Variants in AFAP1 observed in about 807,000 individuals in gnomAD.
The protein encoded by AFAP1 is actin filament-associated protein 1.
A neutral mutation model predicts 93.9 loss-of-function variants in AFAP1; 75 were observed. The ratio of observed to expected loss-of-function variants is 0.80; its 90% CI spans 0.66 to 0.97. The LOEUF is 0.97. AFAP1 is among the 50% of genes least tolerant of loss of function. The pLI, the probability that AFAP1 is intolerant of heterozygous loss-of-function variation, is 0.00. For missense variants in AFAP1, 1,201 were observed against 1,050.8 expected (o/e 1.14, Z -1.98); for synonymous variants, 517 against 430.7 (o/e 1.20, Z -2.48).
intron 16 of AFAP1, among the ~76,000 whole-genome samples, chr4:7,769,828 G>A (rs886921390): frequency 6.6e-6 from 1 of 152,248 alleles, no homozygotes; most frequent in African/African-American, 2.4e-5. Context: ...GGGGTCCCCT[G>A]TGGGCTTTAC....
intron 3 of AFAP1, among the ~76,000 whole-genome samples, chr4:7,858,773 A>C (rs1374566681): frequency 6.6e-6 from 1 of 152,146 alleles, no homozygotes; most frequent in Non-Finnish European, 1.5e-5. Context: ...CCCTCACCTA[A>C]AACAAGGGCA....
chr4:7,855,262 A>C (rs957146254), intron 4 of AFAP1, among the ~76,000 whole-genome samples: 5 of 152,248 alleles, frequency 3.3e-5, no homozygotes, highest in Admixed American at 6.5e-5. Flanking sequence ...GGAAGACAGC[A>C]ATCGGAAGAG....
chr4:7,779,676 A>G (rs114865416), intron 13 of AFAP1, among the ~76,000 whole-genome samples: 3,078 of 152,268 alleles, frequency 0.02, 113 homozygotes, highest in African/African-American at 0.07. Context: ...TGGCTCTATC[A>G]ATCATTTAGG....
At chr4:7,775,386 A>C (rs948452531) in intron 14 of AFAP1, 1 of 153,138 alleles carries the variant, frequency 6.5e-6, no homozygotes, top group Non-Finnish European at 1.5e-5. Context: ...CACACGGCTT[A>C]TAATTAATCT....
At chr4:7,919,970 T>C (rs1720346212) in intron 1 of AFAP1, among the ~76,000 whole-genome samples, 1 of 152,210 alleles carries the variant, frequency 6.6e-6, no homozygotes, top group South Asian at 2.1e-4. Flanking sequence ...GCAAAGGACA[T>C]GATCTTGTTC....
chr4:7,815,382 G>A lies in AFAP1; in HGVS notation c.904+636C>T, dbSNP rs199569343. On this transcript the variant is annotated intron_variant, in intron 8 of 17. Transcript: ENST00000420658. ...CTTAATGCACTGAACTGTACACTGA[G>A]ACATGGTTAATATGGTATATTTTAT... Among the ~76,000 whole-genome samples the A allele has an allele frequency of 3.3e-5, 5 of 152,208 alleles. No individual in the cohort carries two copies. In the East Asian group the frequency reaches 9.6e-4, roughly 29 times the overall value.
In AFAP1 at chr4:7,843,329, C is replaced by CT; in HGVS notation, c.355dup (p.Ser119LysfsTer5). Reference sequence around the variant, plus strand: ...TTCATCATACGACTCATAAGAGCTGCTCATCGCATCGGAATCATAATCTGT... The same window carrying CT: ...TTCATCATACGACTCATAAGAGCTGCTTCATCGCATCGGAATCATAATCTGT... On this transcript the variant is annotated frameshift_variant, in exon 5 of 18. Coordinates refer to ENST00000420658, the MANE Select transcript of AFAP1 (RefSeq NM_001134647.2). LOFTEE classifies it high-confidence loss of function. The CT allele has an allele frequency of 6.2e-7, 1 of 1,613,746 alleles. No individual in the cohort carries two copies. The highest frequency in any genetic ancestry group is 1.3e-5 in the African/African-American group (1 of 74,996).
intron 8 of AFAP1, among the ~76,000 whole-genome samples, chr4:7,812,685 G>A (rs528936929): frequency 2.6e-5 from 4 of 152,276 alleles, no homozygotes; most frequent in South Asian, 4.2e-4. Flanking sequence ...AGGCACTGGC[G>A]CACGCCACTG....
chr4:7,780,628 A>G (rs918274866), intron 13 of AFAP1, among the ~76,000 whole-genome samples: 1 of 151,280 alleles, frequency 6.6e-6, no homozygotes, highest in African/African-American at 2.4e-5. Flanking sequence ...CCTGGGCAAC[A>G]TAGTGAGACT....
intron 8 of AFAP1, among the ~76,000 whole-genome samples, chr4:7,813,565 G>A (rs1720228598): frequency 2.0e-5 from 3 of 152,190 alleles, no homozygotes; most frequent in South Asian, 4.1e-4. Flanking sequence ...CCAAACCAAC[G>A]TCTGCTGTGC....
chr4:7,793,836 T>TG lies in AFAP1; in HGVS notation c.1267-11dup, dbSNP rs757737608. 4 of 1,516,998 alleles carry TG rather than the reference T, an allele frequency of 2.6e-6. No individual in the cohort carries two copies. Among genetic ancestry groups the TG allele is most frequent in the African/African-American group, 1.4e-5 (1 of 72,694 alleles). 94.0% of individuals were successfully genotyped at this position (1,516,998 alleles called of 1,614,324 possible). A position where few individuals can be genotyped will look rare whatever the true frequency, so the allele number is the denominator to read the frequency against. ...CTTCAGAAGAAGATGCCTGTTGAAGTGGGAAAAAAGGTAGGCTGTATTTAA... is the reference window on the plus strand; with the variant it reads ...CTTCAGAAGAAGATGCCTGTTGAAGTGGGGAAAAAAGGTAGGCTGTATTTAA... On this transcript the variant is annotated splice_polypyrimidine_tract_variant and intron_variant, in intron 10 of 17. Transcript: ENST00000420658.
intron 4 of AFAP1, among the ~76,000 whole-genome samples, chr4:7,852,192 G>T (rs1358098509): frequency 6.6e-6 from 1 of 152,134 alleles, no homozygotes; most frequent in African/African-American, 2.4e-5. Flanking sequence ...TTCTCCCACA[G>T]CCCAGATTCA....
Position 7,763,325 on chromosome 4 carries a change from G to C in AFAP1, c.*440C>G, listed in dbSNP as rs1464976728. 1 of 181,598 alleles carries C rather than the reference G, an allele frequency of 5.5e-6. No individual in the cohort carries two copies. The highest frequency in any genetic ancestry group is 1.1e-5 in the Non-Finnish European group (1 of 91,492). 11.2% of individuals were successfully genotyped at this position (181,598 alleles called of 1,614,324 possible). ...GGTGGGCGTGCAAGGCGAGCCCAGT[G>C]CCCATGGCCAGCCACACTCATGCCC... On this transcript the variant is annotated 3_prime_UTR_variant, in exon 18 of 18. Coordinates refer to ENST00000420658, the MANE Select transcript of AFAP1 (RefSeq NM_001134647.2).
intron 6 of AFAP1, among the ~76,000 whole-genome samples, chr4:7,833,736 G>A (rs1357954548): frequency 6.6e-6 from 1 of 151,778 alleles, no homozygotes; most frequent in South Asian, 2.1e-4. Flanking sequence ...CTACAGGCAC[G>A]TGCCACCATG....
intron 1 of AFAP1, among the ~76,000 whole-genome samples, chr4:7,916,327 C>G (rs1293914550): frequency 3.9e-5 from 6 of 152,188 alleles, no homozygotes; most frequent in Non-Finnish European, 7.3e-5. Flanking sequence ...CAGTGCCATT[C>G]TGTTACAGAA....
At chr4:7,812,295 G>GCC (rs567494772) in intron 8 of AFAP1, among the ~76,000 whole-genome samples, 3 of 151,558 alleles carry the variant, frequency 2.0e-5, no homozygotes, top group African/African-American at 4.9e-5. Context: ...AGATAATGTG[G>GCC]CCCCCCCCAG....
chr4:7,926,376 G>A (rs1720738496), intron 1 of AFAP1, among the ~76,000 whole-genome samples: 1 of 152,182 alleles, frequency 6.6e-6, no homozygotes, highest in Non-Finnish European at 1.5e-5. Context: ...AGGTACCTAT[G>A]AGTCAAAATG....
At position 7,782,668 on chromosome 4, in the gene AFAP1, G is replaced by C. The variant is rs543438013; in HGVS notation, c.1531-1041C>G. ...ATAAATCGCCTGGCATGACAAGAAA[G>C]GCAGTATTAATTCCTCTCTTATATT... On this transcript the variant is annotated intron_variant, in intron 12 of 17. Coordinates refer to ENST00000420658, the MANE Select transcript of AFAP1 (RefSeq NM_001134647.2). 2.6e-5 allele frequency among the ~76,000 whole-genome samples: 4 copies of C among 152,266 alleles called. No individual in the cohort carries two copies. The South Asian group carries it at 8.3e-4, about 32-fold the overall frequency.
intron 1 of AFAP1, among the ~76,000 whole-genome samples, chr4:7,922,476 G>A (rs1720490650): frequency 3.3e-5 from 5 of 152,166 alleles, no homozygotes; most frequent in Admixed American, 3.3e-4. Context: ...TGTCCCAGAT[G>A]GAGATAAGAA....
Sources: allele counts gnomAD v4.1 joint callset (sites outside exome capture counted in the v4.1 genomes callset), GRCh38; gene constraint gnomAD v4.1.1; transcripts MANE v1.5; gene names NCBI Gene and HGNC (gene_info 2026-07-23, HGNC 2026-07-21).